ATP13A4: variants seen among roughly 807,000 people sequenced by gnomAD.
ATP13A4 encodes probable cation-transporting ATPase 13A4.
Under a neutral mutation model 142.5 loss-of-function variants are expected in ATP13A4, and 114 were observed. The observed-to-expected ratio is 0.80, with a 90% CI of 0.69 to 0.93. The LOEUF (loss-of-function observed/expected upper bound fraction) is 0.93. ATP13A4 is among the 40% of genes least tolerant of loss of function. The pLI, the probability that ATP13A4 is intolerant of heterozygous loss-of-function variation, is 0.00. For synonymous variants in ATP13A4, 488 were observed against 514.8 expected, an observed-to-expected ratio of 0.95 and a Z score of 0.70; for missense variants, 1,392 against 1,454.0, an observed-to-expected ratio of 0.96 and a Z score of 0.69.
intron 9 of ATP13A4, 148 bp downstream of exon 9, chr3:193,470,711 A>C: frequency 9.0e-7 from 1 of 1,114,016 alleles, no homozygotes; most frequent in Non-Finnish European, 1.3e-6. Flanking sequence ...GGACTAAGTA[A>C]GATTTGTGGC....
chr3:193,499,635 G>A (rs1012713934), intron 3 of ATP13A4, among the ~76,000 whole-genome samples: 2 of 152,166 alleles, frequency 1.3e-5, no homozygotes, highest in African/African-American at 4.8e-5. Context: ...TAGTCCCAAA[G>A]GAAAATCTGA....
chr3:193,404,034 C>A, intron 29 of ATP13A4: 3 of 985,410 alleles, frequency 3.0e-6, no homozygotes, highest in Non-Finnish European at 3.6e-6. Context: ...CATCTGCTGG[C>A]TGCGGGGCTG....
intron 2 of ATP13A4, among the ~76,000 whole-genome samples, chr3:193,563,008 C>T (rs1346661393): frequency 6.6e-6 from 1 of 152,052 alleles, no homozygotes; most frequent in African/African-American, 2.4e-5. Context: ...GATATAATCC[C>T]GTTACTCCAT....
At chr3:193,567,310 G>T (rs1204737690) in intron 2 of ATP13A4, among the ~76,000 whole-genome samples, 1 of 152,174 alleles carries the variant, frequency 6.6e-6, no homozygotes, top group Non-Finnish European at 1.5e-5. Flanking sequence ...GAATATCTCT[G>T]AGGGAGAATT....
At chr3:193,570,801 G>C (rs990869575) in intron 2 of ATP13A4, among the ~76,000 whole-genome samples, 4 of 152,130 alleles carry the variant, frequency 2.6e-5, no homozygotes, top group Non-Finnish European at 5.9e-5. Flanking sequence ...ACAAGCTTCA[G>C]GCTCATCATA....
intron 1 of ATP13A4, among the ~76,000 whole-genome samples, chr3:193,553,930 AT>A (rs947436941): frequency 3.3e-5 from 5 of 152,250 alleles, no homozygotes; most frequent in African/African-American, 1.2e-4. Flanking sequence ...AGAGCGTCAC[AT>A]TTTAACATTT....
intron 25 of ATP13A4, among the ~76,000 whole-genome samples, chr3:193,417,813 G>A (rs989430353): frequency 2.0e-5 from 3 of 148,368 alleles, no homozygotes; most frequent in Middle Eastern, 3.2e-3. Flanking sequence ...GTGAAACCCC[G>A]TCTCTACTAA....
chr3:193,415,618 C>A (rs971811510), intron 25 of ATP13A4, among the ~76,000 whole-genome samples: 2 of 152,230 alleles, frequency 1.3e-5, no homozygotes, highest in African/African-American at 4.8e-5. Flanking sequence ...TCTGTCCCAA[C>A]CTGTCTGGGA....
chr3:193,483,289 A>C (rs1408617316), intron 8 of ATP13A4, among the ~76,000 whole-genome samples: 1 of 152,186 alleles, frequency 6.6e-6, no homozygotes, highest in Non-Finnish European at 1.5e-5. Context: ...AGAGAAAAAA[A>C]CTAGAAACAG....
At chr3:193,485,042 G>A (rs997533226) in intron 7 of ATP13A4, among the ~76,000 whole-genome samples, 1 of 152,134 alleles carries the variant, frequency 6.6e-6, no homozygotes, top group Middle Eastern at 3.2e-3. Flanking sequence ...GACAATTCCA[G>A]GTGACATATC....
chr3:193,505,298 A>C (rs1317805206), intron 2 of ATP13A4, among the ~76,000 whole-genome samples: 1 of 152,196 alleles, frequency 6.6e-6, no homozygotes, highest in Non-Finnish European at 1.5e-5. Flanking sequence ...CCTGTGTGAC[A>C]GCAGACAGAC....
chr3:193,557,072 A>G (rs538069609), upstream of ATP13A4, among the ~76,000 whole-genome samples: 1 of 152,192 alleles, frequency 6.6e-6, no homozygotes, highest in Non-Finnish European at 1.5e-5. Context: ...TGTGGGATTG[A>G]GATGAGTGTG....
chr3:193,561,869 G>A (rs1724023975), intron 2 of ATP13A4, among the ~76,000 whole-genome samples: 1 of 152,148 alleles, frequency 6.6e-6, no homozygotes, highest in Non-Finnish European at 1.5e-5. Context: ...CTTTTCACAT[G>A]CCTCTTTTTT....
intron 1 of ATP13A4, among the ~76,000 whole-genome samples, chr3:193,541,175 G>A (rs1722889189): frequency 6.7e-6 from 1 of 150,066 alleles, no homozygotes. Flanking sequence ...CGTGAACCCG[G>A]GAGGCGGAGC....
At chr3:193,453,459 G>A (rs917439721) in intron 17 of ATP13A4, among the ~76,000 whole-genome samples, 2 of 152,078 alleles carry the variant, frequency 1.3e-5, no homozygotes, top group African/African-American at 4.8e-5. Flanking sequence ...CATGATACCT[G>A]AAAAGAGTGG....
chr3:193,438,991 G>A (rs375381788), intron 22 of ATP13A4, 32 bp downstream of exon 22: 123 of 1,582,562 alleles, frequency 7.8e-5, no homozygotes, highest in Non-Finnish European at 1.0e-4. Flanking sequence ...TCGAATGTGA[G>A]ATTATGGCCA....
At chr3:193,404,423 AG>A (rs1352494145) in intron 29 of ATP13A4, among the ~76,000 whole-genome samples, 2 of 152,174 alleles carry the variant, frequency 1.3e-5, no homozygotes, top group African/African-American at 4.8e-5. Flanking sequence ...TATAAATACA[AG>A]GCAGAACTAG....
intron 1 of ATP13A4, among the ~76,000 whole-genome samples, chr3:193,542,701 C>G (rs182848141): frequency 2.0e-4 from 30 of 152,284 alleles, no homozygotes; most frequent in Admixed American, 7.8e-4. Context: ...TGATCTTTGA[C>G]AAACCTGACA....
Position 193,399,135 on chromosome 3 carries a change from C to T in ATP13A4, c.*3517G>A, listed in dbSNP as rs780555660. Among the ~76,000 whole-genome samples the T allele has an allele frequency of 3.3e-5, 5 of 152,080 alleles. No individual in the cohort carries two copies. The highest frequency in any genetic ancestry group is 7.2e-5 in the African/African-American group (3 of 41,418). ...ATTTAGTGAGGGAAGCCCAGAGTCA[C>T]GGTTCTCTGTGGGTAAGAGCTAGAT... On this transcript the variant is annotated 3_prime_UTR_variant, in exon 30 of 30. Transcript: ENST00000342695.
Sources: allele counts gnomAD v4.1 joint callset (sites outside exome capture counted in the v4.1 genomes callset), GRCh38; gene constraint gnomAD v4.1.1; transcripts MANE v1.5; gene names NCBI Gene and HGNC (gene_info 2026-07-23, HGNC 2026-07-21).